The following NCOR1 variants were observed in gnomAD, a reference collection of about 807,000 sequenced individuals.
NCOR1 encodes the protein nuclear receptor corepressor 1, also known as protein phosphatase 1, regulatory subunit 109.
In NCOR1, 63 loss-of-function variants were observed where a neutral mutation model predicts 288.1. That is an observed-to-expected ratio of 0.22 (90% CI 0.18 to 0.27). The LOEUF (loss-of-function observed/expected upper bound fraction) is 0.27, where lower values mean the gene tolerates loss of function less well. Among genes scored for constraint, NCOR1 ranks in the 10% least tolerant of loss-of-function variants. The probability of loss-of-function intolerance (pLI) is 1.00; values close to 1 mark genes in which losing one functional copy is unlikely to be tolerated. For synonymous variants in NCOR1, 1,007 were observed against 1,065.9 expected (o/e 0.94, Z 1.08); for missense variants, 2,397 against 3,019.2 (o/e 0.79, Z 4.83).
Position 16,127,429 on chromosome 17 carries a change from ATG to A in NCOR1, c.1510-1225_1510-1224del, listed in dbSNP as rs1491542778. On this transcript the variant is annotated intron_variant, in intron 14 of 45. Coordinates refer to ENST00000268712, the MANE Select transcript of NCOR1 (RefSeq NM_006311.4). ...TGTGTATGTATATATACATGTGTAT[ATG>A]TGTATGTATATATGTGTATATGTAT... 1.1e-4 allele frequency among the ~76,000 whole-genome samples: 14 copies of A among 133,234 alleles called. 2 individuals are homozygous for A. The highest frequency in any genetic ancestry group is 3.2e-4 in the African/African-American group (11 of 34,074). The allele number at this position is 133,234 out of a possible 152,430, so 87.4% of individuals were successfully genotyped here. A position where few individuals can be genotyped will look rare whatever the true frequency, so the allele number is the denominator to read the frequency against.
intron 26 of NCOR1, among the ~76,000 whole-genome samples, 156 bp downstream of exon 26, chr17:16,079,808 C>T (rs1037986606): frequency 6.6e-6 from 1 of 152,186 alleles, no homozygotes; most frequent in Non-Finnish European, 1.5e-5. Context: ...ATCACATTAA[C>T]GTCTCTGTGG....
intron 37 of NCOR1, among the ~76,000 whole-genome samples, chr17:16,058,859 C>A (rs1305101682): frequency 1.3e-5 from 2 of 151,562 alleles, no homozygotes; most frequent in Non-Finnish European, 2.9e-5. Flanking sequence ...CCAGCCTGAC[C>A]AACGTGGAGA....
At chr17:16,152,083 C>T in intron 7 of NCOR1, 85 bp from the exon 8 acceptor site, 1 of 794,510 alleles carries the variant, frequency 1.3e-6, no homozygotes, top group Non-Finnish European at 1.9e-6. Context: ...AATGTAAGCA[C>T]AGGTAAAGTA....
At chr17:16,077,535 GAGAGGGGA>G (rs2062718033) in intron 26 of NCOR1, among the ~76,000 whole-genome samples, 31 of 36,340 alleles carry the variant, frequency 8.5e-4, no homozygotes, top group Non-Finnish European at 1.2e-3. Flanking sequence ...GGAGGGGGAG[GAGAGGGGA>G]GGAGAGGATA....
At position 16,058,339 on chromosome 17, in the gene NCOR1, A is replaced by G. The variant is rs1046758027; in HGVS notation, c.6010+132T>C. On this transcript the variant is annotated intron_variant, in intron 38 of 45. Transcript: ENST00000268712. ...AAAAAAGAATCGATTGCTGTTTCTA[A>G]AGAAGGCTCATGTAAGATTACCCTA... 1.7e-5 allele frequency: 20 copies of G among 1,190,386 alleles called. No homozygotes were observed. The African/African-American group carries it at 3.1e-4, about 18-fold the overall frequency. The allele number at this position is 1,190,386 out of a possible 1,614,324, so 73.7% of individuals were successfully genotyped here. A position where few individuals can be genotyped will look rare whatever the true frequency, so the allele number is the denominator to read the frequency against.
intron 35 of NCOR1, among the ~76,000 whole-genome samples, chr17:16,062,768 C>A (rs1208370825): frequency 6.6e-6 from 1 of 152,226 alleles, no homozygotes; most frequent in African/African-American, 2.4e-5. Context: ...GTCCCCTTCA[C>A]AGGTGACTCT....
At chr17:16,057,484 T>C (rs2060071754) in intron 40 of NCOR1, 30 bp downstream of exon 40, 1 of 1,592,808 alleles carries the variant, frequency 6.3e-7, no homozygotes, top group African/African-American at 1.3e-5. Flanking sequence ...TGTTGGGCAA[T>C]TTATATATAA....
At chr17:16,165,716 C>T (rs1242732139) in intron 4 of NCOR1, among the ~76,000 whole-genome samples, 1 of 152,144 alleles carries the variant, frequency 6.6e-6, no homozygotes. Context: ...TCATAAAGCC[C>T]ACACTACAGC....
rs2153056465 is a variant in NCOR1 at position 16,108,888 on chromosome 17, G to T, written c.2080C>A (p.Arg694=). 3.8e-6 allele frequency: 6 copies of T among 1,597,528 alleles called. No individual in the cohort carries two copies. Among genetic ancestry groups the T allele is most frequent in the Non-Finnish European group, 5.1e-6 (6 of 1,171,164 alleles). Residue 694 remains arginine (R), a synonymous_variant, in exon 19 of 46, where the codon CGA becomes AGA. Transcript: ENST00000268712. ...QKTSRKPREE[R]DVSQCESVAS... ...ACACTTTCACATTGAGACACATCTCGCTCTTCACGAGGTTTTCGTGAAGTC... is the reference window on the plus strand; with the variant it reads ...ACACTTTCACATTGAGACACATCTCTCTCTTCACGAGGTTTTCGTGAAGTC...
intron 1 of NCOR1, among the ~76,000 whole-genome samples, chr17:16,208,997 T>G (rs551202231): frequency 1.3e-5 from 2 of 152,270 alleles, no homozygotes; most frequent in African/African-American, 2.4e-5. Flanking sequence ...CCACACTAAC[T>G]CTAGCTGCTA....
chr17:16,091,889 G>A lies in NCOR1; in HGVS notation c.2990C>T (p.Ser997Phe). The A allele has an allele frequency of 6.2e-7, 1 of 1,614,096 alleles. No individual in the cohort carries two copies. Residue 997 changes from serine (S) to phenylalanine (F), a missense_variant, in exon 22 of 46, where the codon TCC becomes TTC. This residue lies in a region of NCOR1 where 1,872 missense variants were observed against 2,187.8 expected (regional missense o/e 0.86). Coordinates refer to ENST00000268712, the MANE Select transcript of NCOR1 (RefSeq NM_006311.4). Reference sequence around the variant, plus strand: ...TTCCCACTCTCTGTTTGGACTCTTGGATGTGCCACATGGACTTGTAGAACT... The same window carrying A: ...TTCCCACTCTCTGTTTGGACTCTTGAATGTGCCACATGGACTTGTAGAACT... ...CRSSTSPCGT[S>F]KSPNREWEVL...
intron 1 of NCOR1, among the ~76,000 whole-genome samples, chr17:16,210,873 G>A (rs1351263351): frequency 1.3e-5 from 2 of 152,080 alleles, no homozygotes; most frequent in East Asian, 1.9e-4. Context: ...GGCACTACAG[G>A]TGCGTGCCAT....
intron 40 of NCOR1, among the ~76,000 whole-genome samples, chr17:16,056,122 T>C (rs976102243): frequency 7.2e-5 from 11 of 152,108 alleles, no homozygotes; most frequent in Admixed American, 5.9e-4. Flanking sequence ...TTCTTCTATC[T>C]GCTCTTTGCT....
chr17:16,125,024 T>A (rs2073760507), intron 15 of NCOR1, among the ~76,000 whole-genome samples: 2 of 152,208 alleles, frequency 1.3e-5, no homozygotes, highest in African/African-American at 4.8e-5. Context: ...TACTGTAATA[T>A]TCTATTCCTT....
chr17:16,058,424 T>C (rs2060172840), intron 38 of NCOR1, 47 bp downstream of exon 38: 1 of 1,597,780 alleles, frequency 6.3e-7, no homozygotes, highest in East Asian at 2.2e-5. Context: ...AAGCAAATGA[T>C]AAATGCAAAT....
chr17:16,090,128 G>A (rs1451007680), intron 22 of NCOR1, among the ~76,000 whole-genome samples: 2 of 151,996 alleles, frequency 1.3e-5, no homozygotes, highest in African/African-American at 4.8e-5. Context: ...CTCCAGCCTG[G>A]TTCAGTTTCT....
rs1024066136 is a variant in NCOR1 at position 16,143,662 on chromosome 17, T to C, written c.1117A>G (p.Ile373Val). The change falls in exon 11 of 46, where the codon ATT becomes GTT. Residue 373 changes from isoleucine (I) to valine (V), a missense_variant. Ile to Val is a conservative substitution (Grantham distance 29). Around this residue, in one of 11 missense-constraint regions of NCOR1, gnomAD observed 51 missense variants for 127.6 expected, o/e 0.40. Transcript: ENST00000268712. Reference sequence around the variant, plus strand: ...GAAATCTCATGCTCACTCCTAGCAATGGTGGCTGAAAGACCAGCTCCCCTC... The same window carrying C: ...GAAATCTCATGCTCACTCCTAGCAACGGTGGCTGAAAGACCAGCTCCCCTC... ...GQRGAGLSAT[I>V]ARSEHEISEI... 2 of 1,613,876 alleles carry C rather than the reference T, an allele frequency of 1.2e-6. No homozygotes were observed. The highest frequency in any genetic ancestry group is 1.7e-6 in the Non-Finnish European group (2 of 1,179,892).
At chr17:16,044,355 A>G (rs2058291720) in intron 42 of NCOR1, 2 of 470,188 alleles carry the variant, frequency 4.3e-6, no homozygotes, top group South Asian at 3.1e-5. Context: ...GGTGTTCAAC[A>G]TTTATTAATC....
At chr17:16,134,797 G>GT (rs2076150003) in intron 14 of NCOR1, among the ~76,000 whole-genome samples, 1 of 152,132 alleles carries the variant, frequency 6.6e-6, no homozygotes, top group Non-Finnish European at 1.5e-5. Context: ...ATTTTAAACA[G>GT]TAACATATAT....
Sources: gnomAD v4.1 joint callset for allele counts (sites outside exome capture counted in the v4.1 genomes callset) on GRCh38, gnomAD v4.1.1 for gene constraint, gnomAD v4.1.1 regional missense constraint, MANE v1.5 for transcripts, NCBI Gene and HGNC (gene_info 2026-07-23, HGNC 2026-07-21) for gene names.